The following POLD3 variants were observed in gnomAD, a reference collection of about 807,000 sequenced individuals.
POLD3 encodes DNA polymerase delta 3, accessory subunit, also known as DNA polymerase delta subunit 3.
POLD3 carries 19 observed loss-of-function variants against 58.2 expected under a neutral mutation model. The ratio of observed to expected loss-of-function variants is 0.33; its 90% CI spans 0.23 to 0.48. POLD3 has a LOEUF of 0.48. POLD3 is among the 20% of genes least tolerant of loss of function. The pLI, the probability that POLD3 is intolerant of heterozygous loss-of-function variation, is 0.99. For synonymous variants in POLD3, 172 were observed against 193.5 expected (o/e 0.89, Z 0.92); for missense variants, 504 against 545.5 (o/e 0.92, Z 0.76).
At chr11:74,608,752 A>C (rs1358265007) in intron 3 of POLD3, among the ~76,000 whole-genome samples, 1 of 152,292 alleles carries the variant, frequency 6.6e-6, no homozygotes, top group East Asian at 1.9e-4. Context: ...TCTTACTGCA[A>C]AGCTGCATTG....
chr11:74,620,034 C>T lies in POLD3; in HGVS notation c.678C>T (p.Asn226=), dbSNP rs145011308. 442 of 1,613,790 alleles carry T rather than the reference C, an allele frequency of 2.7e-4. No homozygotes were observed. Among genetic ancestry groups the T allele is most frequent in the Non-Finnish European group, 3.7e-4 (434 of 1,179,728 alleles). Residue 226 remains asparagine (N), a synonymous_variant, in exon 7 of 12, where the codon AAC becomes AAT. Transcript: ENST00000263681. ...KEVTNASAAG[N]KAPGKGNMMS... ...GCTTGTAGGCATCTGCAGCAGGCAA[C>T]AAGGCACCAGGGAAAGGGAATATGA... is the stretch of plus-strand genomic sequence containing the variant.
chr11:74,642,004 GATTTT>G lies in POLD3; in HGVS notation c.*1239_*1243del. On this transcript the variant is annotated 3_prime_UTR_variant, in exon 12 of 12. Coordinates refer to ENST00000263681, the MANE Select transcript of POLD3 (RefSeq NM_006591.3). ...CAGTGGATTGCAGTGGTGTGCTGGT[GATTTT>G]GCACAGTGAGCTCTGCGGAAGGGGT... 1.0e-6 allele frequency: 1 copy of G among 985,474 alleles called. No individual in the cohort carries two copies. Among genetic ancestry groups the G allele is most frequent in the Non-Finnish European group, 1.2e-6 (1 of 829,946 alleles). 61.0% of individuals were successfully genotyped at this position (985,474 alleles called of 1,614,324 possible).
rs1186843578 is a variant in POLD3 at position 74,634,607 on chromosome 11, A to C, written c.1031A>C (p.Tyr344Ser). 1.9e-6 allele frequency: 3 copies of C among 1,609,960 alleles called. No homozygotes were observed. The highest frequency in any genetic ancestry group is 1.3e-5 in the African/African-American group (1 of 74,828). ...DEVFPDSPGA[Y>S]EAESPSPPPP... The stretch of plus-strand genomic sequence containing the variant: ...GTCTTTCCAGACTCTCCTGGGGCTT[A>C]TGAAGCTGAGTCACCATCCCCACCT... Residue 344 changes from tyrosine (Y) to serine (S), a missense_variant, in exon 10 of 12, where the codon TAT becomes TCT. Tyr to Ser is a moderately radical substitution (Grantham distance 144, BLOSUM62 -2). Coordinates refer to ENST00000263681, the MANE Select transcript of POLD3 (RefSeq NM_006591.3).
chr11:74,664,372 T>C (rs913188547), intron 4 of POLD3, among the ~76,000 whole-genome samples: 2 of 152,170 alleles, frequency 1.3e-5, no homozygotes, highest in African/African-American at 4.8e-5. Flanking sequence ...AACCCAAATA[T>C]CTATCAACAG....
At chr11:74,656,829 G>T (rs955649175) in intron 4 of POLD3, among the ~76,000 whole-genome samples, 3 of 151,708 alleles carry the variant, frequency 2.0e-5, no homozygotes, top group Admixed American at 2.0e-4. Context: ...GTGCTGAGGA[G>T]AAGAATATGT....
At chr11:74,601,844 G>A (rs2031510804) in intron 2 of POLD3, among the ~76,000 whole-genome samples, 1 of 152,158 alleles carries the variant, frequency 6.6e-6, no homozygotes. Flanking sequence ...CTTCATAGAG[G>A]AGGTGACAAC....
At chr11:74,666,700 G>A (rs2033272679) in intron 4 of POLD3, among the ~76,000 whole-genome samples, 1 of 152,118 alleles carries the variant, frequency 6.6e-6, no homozygotes, top group Non-Finnish European at 1.5e-5. Context: ...CAAAATCCCA[G>A]CTGGATTTTT....
Position 74,619,219 on chromosome 11 carries a change from C to G in POLD3, c.660+415C>G, listed in dbSNP as rs571020237. Among the ~76,000 whole-genome samples the G allele has an allele frequency of 2.6e-5, 4 of 152,244 alleles. No homozygotes were observed. The South Asian group carries it at 6.2e-4, about 24-fold the overall frequency. ...GTATTTCCCATTCTTATACTTTATGCAGGTTTTTTTGTTTTGTTTTTGCCT... is the reference window on the plus strand; with the variant it reads ...GTATTTCCCATTCTTATACTTTATGGAGGTTTTTTTGTTTTGTTTTTGCCT... On this transcript the variant is annotated intron_variant, in intron 6 of 11. Transcript: ENST00000263681.
At chr11:74,623,779 G>A (rs914351338) in intron 7 of POLD3, among the ~76,000 whole-genome samples, 1 of 152,194 alleles carries the variant, frequency 6.6e-6, no homozygotes, top group African/African-American at 2.4e-5. Context: ...GAAGATAGGT[G>A]ACTTGATCAT....
chr11:74,626,041 C>A (rs1029290299), intron 8 of POLD3, among the ~76,000 whole-genome samples: 1 of 152,004 alleles, frequency 6.6e-6, no homozygotes, highest in Non-Finnish European at 1.5e-5. Context: ...ATAAAAAGCA[C>A]ATAAAGCTAT....
intron 10 of POLD3, 152 bp downstream of exon 10, chr11:74,634,847 A>G (rs2032701942): frequency 1.7e-5 from 10 of 588,338 alleles, no homozygotes; most frequent in South Asian, 3.7e-5. Flanking sequence ...GTTGTACAGA[A>G]TGGGCGTTCC....
intron 4 of POLD3, among the ~76,000 whole-genome samples, chr11:74,666,163 T>C (rs2033265852): frequency 6.6e-6 from 1 of 152,156 alleles, no homozygotes; most frequent in Non-Finnish European, 1.5e-5. Flanking sequence ...TATCAAAAAG[T>C]TTAAAAGTAC....
At chr11:74,639,155 T>C (rs1442901666) in intron 11 of POLD3, among the ~76,000 whole-genome samples, 1 of 152,176 alleles carries the variant, frequency 6.6e-6, no homozygotes, top group African/African-American at 2.4e-5. Context: ...TCTGGGAGCA[T>C]GTTAGAGAAG....
Position 74,629,310 on chromosome 11 carries a change from C to T in POLD3, c.993C>T (p.Ser331=). ...RRRIKLPESD[S]SEDEVFPDSP... is the part of the protein sequence containing the mutation. ...GAATCAAACTTCCTGAATCTGATAGCAGTGAAGATGAAGGTGGGCATTACC... is the reference window on the plus strand; with the variant it reads ...GAATCAAACTTCCTGAATCTGATAGTAGTGAAGATGAAGGTGGGCATTACC... Residue 331 remains serine, a synonymous_variant, in exon 9 of 12, where the codon AGC becomes AGT. Coordinates refer to ENST00000263681, the MANE Select transcript of POLD3 (RefSeq NM_006591.3). 6.3e-7 allele frequency: 1 copy of T among 1,595,482 alleles called. No individual in the cohort carries two copies. Among genetic ancestry groups the T allele is most frequent in the Non-Finnish European group, 8.6e-7 (1 of 1,165,652 alleles).
intron 3 of POLD3, among the ~76,000 whole-genome samples, chr11:74,610,077 A>G (rs376434013): frequency 6.6e-6 from 1 of 152,198 alleles, no homozygotes; most frequent in Non-Finnish European, 1.5e-5. Flanking sequence ...ATGTTGCCAA[A>G]TATCACTCTG....
intron 2 of POLD3, among the ~76,000 whole-genome samples, chr11:74,594,975 A>G (rs1565108611): frequency 2.0e-5 from 3 of 152,212 alleles, no homozygotes; most frequent in Admixed American, 2.0e-4. Flanking sequence ...GGGTGGGGAC[A>G]CAGCCAAACT....
At chr11:74,601,912 C>A (rs2031512696) in intron 2 of POLD3, among the ~76,000 whole-genome samples, 2 of 151,896 alleles carry the variant, frequency 1.3e-5, no homozygotes. Context: ...GCCTTCTAGG[C>A]AGAAGGAAGG....
chr11:74,627,539 A>T (rs940842942), intron 8 of POLD3, among the ~76,000 whole-genome samples: 1 of 152,182 alleles, frequency 6.6e-6, no homozygotes, highest in Non-Finnish European at 1.5e-5. Flanking sequence ...GTGTACAGTA[A>T]CATCCTAGGG....
At chr11:74,653,798 G>C (rs769910392) in intron 4 of POLD3, among the ~76,000 whole-genome samples, 1 of 152,112 alleles carries the variant, frequency 6.6e-6, no homozygotes, top group Non-Finnish European at 1.5e-5. Flanking sequence ...GTGCTAGTCT[G>C]TTCTTGCGTT....
Sources: gnomAD v4.1 joint callset for allele counts (sites outside exome capture counted in the v4.1 genomes callset) on GRCh38, gnomAD v4.1.1 for gene constraint, MANE v1.5 for transcripts, NCBI Gene and HGNC (gene_info 2026-07-23, HGNC 2026-07-21) for gene names.